The following GABRG3 variants were observed in gnomAD, a reference collection of about 807,000 sequenced individuals.
GABRG3 encodes the protein gamma-aminobutyric acid type A receptor subunit gamma3.
Under a neutral mutation model 48.8 loss-of-function variants are expected in GABRG3, and 25 were observed. The ratio of observed to expected loss-of-function variants is 0.51; its 90% CI spans 0.37 to 0.72. GABRG3 has a LOEUF of 0.72. Ranked by LOEUF, GABRG3 falls within the 30% of genes least tolerant of loss-of-function variation. The pLI, the probability that GABRG3 is intolerant of heterozygous loss-of-function variation, is 0.00. For missense variants in GABRG3, 394 were observed against 577.9 expected, an observed-to-expected ratio of 0.68 and a Z score of 3.26; for synonymous variants, 227 against 217.6, an observed-to-expected ratio of 1.04 and a Z score of -0.38.
At chr15:27,436,192 G>A (rs757019958) in intron 5 of GABRG3, among the ~76,000 whole-genome samples, 3 of 152,310 alleles carry the variant, frequency 2.0e-5, no homozygotes, top group African/African-American at 4.8e-5. Context: ...CAGATTAGAC[G>A]TCTGGTGAGG....
intron 2 of GABRG3, among the ~76,000 whole-genome samples, chr15:26,977,352 A>G (rs1299763630): frequency 1.3e-5 from 2 of 152,116 alleles, no homozygotes; most frequent in African/African-American, 4.8e-5. Flanking sequence ...GCTCTGTGTC[A>G]TTTTATCCCA....
At chr15:27,113,381 T>G (rs751275589) in intron 3 of GABRG3, among the ~76,000 whole-genome samples, 1 of 152,202 alleles carries the variant, frequency 6.6e-6, no homozygotes, top group Non-Finnish European at 1.5e-5. Context: ...TAGACTGACT[T>G]GATAGCCATG....
intron 6 of GABRG3, among the ~76,000 whole-genome samples, chr15:27,517,294 C>T (rs1891044788): frequency 6.6e-6 from 1 of 152,202 alleles, no homozygotes; most frequent in Admixed American, 6.5e-5. Flanking sequence ...GTATCGTGCA[C>T]ACCTCCATAT....
intron 2 of GABRG3, among the ~76,000 whole-genome samples, chr15:27,021,079 A>G (rs937683253): frequency 2.0e-5 from 3 of 152,242 alleles, no homozygotes; most frequent in African/African-American, 4.8e-5. Flanking sequence ...AAAGACAAAT[A>G]TTTAAGGCAA....
intron 5 of GABRG3, among the ~76,000 whole-genome samples, chr15:27,434,668 A>T (rs965320364): frequency 2.6e-5 from 4 of 152,202 alleles, no homozygotes; most frequent in Non-Finnish European, 4.4e-5. Context: ...GTCCCTTCAT[A>T]TTCCATCAGA....
intron 3 of GABRG3, among the ~76,000 whole-genome samples, chr15:27,234,976 A>G (rs1307668590): frequency 6.6e-6 from 1 of 151,890 alleles, no homozygotes; most frequent in Non-Finnish European, 1.5e-5. Context: ...GGTCTGGTCC[A>G]CTCTCCAAAT....
intron 3 of GABRG3, among the ~76,000 whole-genome samples, chr15:27,302,943 A>G (rs999398717): frequency 1.3e-5 from 2 of 151,980 alleles, no homozygotes; most frequent in African/African-American, 4.8e-5. Flanking sequence ...AATAAAAAAT[A>G]TGGCATAATG....
intron 6 of GABRG3, among the ~76,000 whole-genome samples, chr15:27,502,288 TAATGATTTTATTTAAA>T (rs1305753193): frequency 2.0e-5 from 3 of 152,270 alleles, no homozygotes; most frequent in Non-Finnish European, 2.9e-5. Flanking sequence ...ATAGGCTGTT[TAATGATTTTATTTAAA>T]AATGATTTTA....
chr15:26,971,376 G>T lies in GABRG3; in HGVS notation c.-160G>T. On this transcript the variant is annotated 5_prime_UTR_variant, in exon 1 of 10. Coordinates refer to ENST00000615808, the MANE Select transcript of GABRG3 (RefSeq NM_033223.5). The stretch of plus-strand genomic sequence containing the variant: ...GTGTGCGTCCAGTGTGCGCCCCGCG[G>T]GGGCGCGGCCAGCGCCAGAGTAGAT... 6 of 443,210 alleles carry T rather than the reference G, an allele frequency of 1.4e-5. No homozygotes were observed. The highest frequency in any genetic ancestry group is 2.2e-5 in the Non-Finnish European group (6 of 272,836). 27.5% of individuals were successfully genotyped at this position (443,210 alleles called of 1,614,324 possible).
chr15:27,214,273 T>C (rs778308907), intron 3 of GABRG3, among the ~76,000 whole-genome samples: 3 of 152,220 alleles, frequency 2.0e-5, no homozygotes, highest in Non-Finnish European at 4.4e-5. Flanking sequence ...GAAATGAACA[T>C]TCTGATTAGA....
intron 3 of GABRG3, among the ~76,000 whole-genome samples, chr15:27,053,747 A>G (rs1230880251): frequency 6.6e-6 from 1 of 152,264 alleles, no homozygotes; most frequent in Non-Finnish European, 1.5e-5. Flanking sequence ...GGTGACAGAA[A>G]AAAGAAAATG....
At chr15:27,159,335 G>A (rs1898515056) in intron 3 of GABRG3, among the ~76,000 whole-genome samples, 2 of 151,856 alleles carry the variant, frequency 1.3e-5, no homozygotes, top group Admixed American at 1.3e-4. Flanking sequence ...TACAAAATTT[G>A]GCCAAGTGTG....
chr15:27,145,476 C>T (rs75759426), intron 3 of GABRG3, among the ~76,000 whole-genome samples: 3,490 of 152,150 alleles, frequency 0.023, 157 homozygotes, highest in African/African-American at 0.081. Flanking sequence ...CATCAGTTAA[C>T]ATAAAGTTAG....
chr15:27,491,346 A>G (rs1890349608), intron 6 of GABRG3, among the ~76,000 whole-genome samples: 1 of 152,182 alleles, frequency 6.6e-6, no homozygotes, highest in African/African-American at 2.4e-5. Flanking sequence ...GCAGTCAGCT[A>G]TGCTCCAGCC....
intron 3 of GABRG3, among the ~76,000 whole-genome samples, chr15:27,200,584 G>T (rs772974443): frequency 6.6e-6 from 1 of 152,192 alleles, no homozygotes; most frequent in Non-Finnish European, 1.5e-5. Context: ...CACAGGCAAA[G>T]TGACCCTTTT....
At chr15:27,151,615 G>T (rs1053050972) in intron 3 of GABRG3, among the ~76,000 whole-genome samples, 1 of 152,128 alleles carries the variant, frequency 6.6e-6, no homozygotes, top group East Asian at 1.9e-4. Flanking sequence ...TTGACCCAAC[G>T]TATCACAAGG....
chr15:27,340,100 C>T (rs919933587), intron 5 of GABRG3, among the ~76,000 whole-genome samples: 1 of 152,080 alleles, frequency 6.6e-6, no homozygotes, highest in Admixed American at 6.6e-5. Context: ...CCTCCCTTTC[C>T]CCATCTGCAA....
chr15:27,130,809 A>G lies in GABRG3; in HGVS notation c.270+103988A>G, dbSNP rs372491972. The stretch of plus-strand genomic sequence containing the variant: ...ATGGAATTGTTTCTTAATTTTCTTT[A>G]CAGATTGTTCTTTGTTACGTGAAAA... On this transcript the variant is annotated intron_variant, in intron 3 of 9. Coordinates refer to ENST00000615808, the MANE Select transcript of GABRG3 (RefSeq NM_033223.5). 9.3e-4 allele frequency among the ~76,000 whole-genome samples: 142 copies of G among 152,124 alleles called. 1 individual carries two copies. The South Asian group carries it at 0.028, about 30-fold the overall frequency.
intron 5 of GABRG3, among the ~76,000 whole-genome samples, chr15:27,379,404 A>C (rs1053729356): frequency 6.6e-6 from 1 of 152,220 alleles, no homozygotes; most frequent in Admixed American, 6.5e-5. Context: ...CATAAGCTAT[A>C]ATCATCAAAT....
Sources: allele counts gnomAD v4.1 joint callset (sites outside exome capture counted in the v4.1 genomes callset), GRCh38; gene constraint gnomAD v4.1.1; transcripts MANE v1.5; gene names NCBI Gene and HGNC (gene_info 2026-07-23, HGNC 2026-07-21).